ADGRG4: variants seen among roughly 807,000 people sequenced by gnomAD.
ADGRG4 encodes the protein adhesion G protein-coupled receptor G4.
Under a neutral mutation model 126.2 loss-of-function variants are expected in ADGRG4, and 122 were observed. The observed-to-expected ratio is 0.97, with a 90% CI of 0.83 to 1.12. The LOEUF is 1.12. ADGRG4 is among the 50% of genes most tolerant of loss of function. ADGRG4 has a pLI of 0.00. For missense variants in ADGRG4, 2,481 were observed against 2,251.8 expected (o/e 1.10, Z -2.06); for synonymous variants, 943 against 838.7 (o/e 1.12, Z -2.15).
At position 136,347,515 on chromosome X, in the gene ADGRG4, G is replaced by A. The variant is rs760443810; in HGVS notation, c.3809G>A (p.Arg1270Lys). The change falls in exon 6 of 26, where the codon AGA (arginine) becomes AAA (lysine). Residue 1270 changes from arginine (R) to lysine (K), a missense_variant. Arg to Lys is a conservative substitution (Grantham distance 26). Coordinates refer to ENST00000394143, the MANE Select transcript of ADGRG4 (RefSeq NM_153834.4). ...QMTISLGKTP[R>K]TMEVTEMSPS... ...ACCATATCCCTGGGAAAAACCCCTA[G>A]AACTATGGAGGTGACAGAAATGTCC... 2 of 1,208,197 alleles carry A rather than the reference G, an allele frequency of 1.7e-6. No individual in the cohort carries two copies. Among genetic ancestry groups the A allele is most frequent in the Non-Finnish European group, 2.2e-6 (2 of 893,871 alleles).
At chrX:136,359,206 A>G in intron 10 of ADGRG4, 86 bp from the exon 11 acceptor site, 3 of 731,050 alleles carry the variant, frequency 4.1e-6, no homozygotes, top group Non-Finnish European at 6.0e-6. Flanking sequence ...CAATTAAATC[A>G]GCTGTACAGA....
chrX:136,347,197 C>G lies in ADGRG4; in HGVS notation c.3491C>G (p.Thr1164Ser). ...GCGTCCTCCACTCATGTGATCTCAACTACGTCTACACCAGAAGCAACTCAA... is the reference window on the plus strand; with the variant it reads ...GCGTCCTCCACTCATGTGATCTCAAGTACGTCTACACCAGAAGCAACTCAA... ...PPASSTHVIS[T>S]TSTPEATQPI... Residue 1164 changes from threonine (T) to serine (S), a missense_variant, in exon 6 of 26, where the codon ACT becomes AGT. By Grantham distance (58) the Thr-to-Ser change is moderately conservative. Coordinates refer to ENST00000394143, the MANE Select transcript of ADGRG4 (RefSeq NM_153834.4). 8.3e-7 allele frequency: 1 copy of G among 1,211,104 alleles called. No individual in the cohort carries two copies. The highest frequency in any genetic ancestry group is 1.1e-6 in the Non-Finnish European group (1 of 894,993).
chrX:136,395,394 G>A lies in ADGRG4; in HGVS notation c.8085G>A (p.Gly2695=). 1 of 1,184,543 alleles carries A rather than the reference G, an allele frequency of 8.4e-7. No homozygotes were observed. Among genetic ancestry groups the A allele is most frequent in the Non-Finnish European group, 1.1e-6 (1 of 872,697 alleles). The part of the protein sequence containing the change: ...CAFWDFENNN[G]LGGWNSSGCK... Reference sequence around the variant, plus strand: ...ATTTCCTTCTGTCTCCTACAGATGGGCTGGGTGGATGGAATTCGTCAGGCT... The same window carrying A: ...ATTTCCTTCTGTCTCCTACAGATGGACTGGGTGGATGGAATTCGTCAGGCT... The change falls in exon 19 of 26, where the codon GGG becomes GGA. Residue 2695 remains glycine, a synonymous_variant. Coordinates refer to ENST00000394143, the MANE Select transcript of ADGRG4 (RefSeq NM_153834.4).
At chrX:136,315,021 C>A (rs781507752) in intron 4 of ADGRG4, among the ~76,000 whole-genome samples, 2 of 111,629 alleles carry the variant, frequency 1.8e-5, no homozygotes, top group East Asian at 5.6e-4. Context: ...ATGGAGTCAG[C>A]AGCCTAGGTA....
chrX:136,414,521 G>A (rs1053125963), intron 25 of ADGRG4, among the ~76,000 whole-genome samples, 194 bp downstream of exon 25: 3 of 112,586 alleles, frequency 2.7e-5, no homozygotes, highest in African/African-American at 9.7e-5. Flanking sequence ...GTGTATAGGT[G>A]TTTCTGTGCC....
chrX:136,397,491 C>CTTTTT (rs1184936316), intron 19 of ADGRG4, among the ~76,000 whole-genome samples: 6 of 50,578 alleles, frequency 1.2e-4, no homozygotes, highest in Non-Finnish European at 1.5e-4. Flanking sequence ...AGGAAAAGGA[C>CTTTTT]TTTTTTTTTT....
In ADGRG4 at chrX:136,350,214, A is replaced by G; in HGVS notation, c.6508A>G (p.Ile2170Val). The stretch of plus-strand genomic sequence containing the variant: ...TGCATCATCACCCTCTACTTTAATT[A>G]TTCCTAAGCCCACACTGGACTCCCT... Reference protein sequence around the residue: ...PTASSPSTLIIPKPTLDSLLN... With the variant: ...PTASSPSTLIVPKPTLDSLLN... Residue 2170 changes from isoleucine to valine, a missense_variant, in exon 6 of 26, where the codon ATT becomes GTT. By Grantham distance (29) the Ile-to-Val change is conservative. Coordinates refer to ENST00000394143, the MANE Select transcript of ADGRG4 (RefSeq NM_153834.4). The G allele has an allele frequency of 8.3e-7, 1 of 1,207,984 alleles. No individual in the cohort carries two copies. The highest frequency in any genetic ancestry group is 1.1e-6 in the Non-Finnish European group (1 of 892,289).
intron 15 of ADGRG4, among the ~76,000 whole-genome samples, chrX:136,379,633 C>T (rs2075247748): frequency 9.2e-6 from 1 of 109,074 alleles, no homozygotes; most frequent in Admixed American, 9.9e-5. Context: ...TCTCCCTCTG[C>T]TTCTTTCTTT....
intron 5 of ADGRG4, among the ~76,000 whole-genome samples, chrX:136,330,675 T>C (rs992094656): frequency 9.0e-6 from 1 of 111,535 alleles, no homozygotes; most frequent in Non-Finnish European, 1.9e-5. Flanking sequence ...GCATGTTTAG[T>C]TTTTTTCTTA....
chrX:136,374,704 A>G (rs959679862), intron 15 of ADGRG4, among the ~76,000 whole-genome samples: 6 of 111,971 alleles, frequency 5.4e-5, no homozygotes, highest in African/African-American at 2.0e-4. Flanking sequence ...TGCTGGGATT[A>G]CAGGTGTGAG....
At chrX:136,311,311 A>G (rs1255065327) in intron 4 of ADGRG4, among the ~76,000 whole-genome samples, 1 of 109,447 alleles carries the variant, frequency 9.1e-6, no homozygotes, top group African/African-American at 3.3e-5. Context: ...GGTGCTGGCT[A>G]TTGGCTGTGT....
intron 13 of ADGRG4, among the ~76,000 whole-genome samples, chrX:136,364,590 A>G (rs962554494): frequency 4.5e-5 from 5 of 112,053 alleles, no homozygotes; most frequent in African/African-American, 1.3e-4. Flanking sequence ...ACAAGACTGT[A>G]CAACTATTTT....
At chrX:136,395,236 T>A (rs2075340090) in intron 18 of ADGRG4, among the ~76,000 whole-genome samples, 154 bp from the exon 19 acceptor site, 1 of 111,952 alleles carries the variant, frequency 8.9e-6, no homozygotes, top group African/African-American at 3.2e-5. Context: ...TCTGTTAGAC[T>A]TAATTTAATT....
chrX:136,341,389 A>G (rs887608835), intron 5 of ADGRG4, among the ~76,000 whole-genome samples: 4 of 112,559 alleles, frequency 3.6e-5, no homozygotes, highest in African/African-American at 9.7e-5. Flanking sequence ...CTCAACAATT[A>G]GTGCATTCAT....
intron 16 of ADGRG4, among the ~76,000 whole-genome samples, chrX:136,391,896 T>C (rs2075321456): frequency 8.9e-6 from 1 of 112,607 alleles, no homozygotes; most frequent in African/African-American, 3.2e-5. Context: ...CTGGGATAAG[T>C]TGTGAAATGT....
Position 136,399,946 on chromosome X carries a change from C to G in ADGRG4, c.8405C>G (p.Ser2802Ter). 8.3e-7 allele frequency: 1 copy of G among 1,210,786 alleles called. No individual in the cohort carries two copies. The highest frequency in any genetic ancestry group is 1.1e-6 in the Non-Finnish European group (1 of 894,556). Residue 2802 changes from serine to a stop codon, truncating the protein, a stop_gained, in exon 21 of 26, where the codon TCA becomes TGA. Transcript: ENST00000394143. LOFTEE classifies it high-confidence loss of function. ...TTTTTGATCAATTCTTGGTTGTCATCATTTCAGAAAGTGGGAGTTTGTATC... is the reference window on the plus strand; with the variant it reads ...TTTTTGATCAATTCTTGGTTGTCATGATTTCAGAAAGTGGGAGTTTGTATC... The part of the protein sequence containing the change: ...LVFLINSWLS[S>*]FQKVGVCITA...
At chrX:136,310,381 A>G (rs980081140) in intron 4 of ADGRG4, among the ~76,000 whole-genome samples, 3 of 111,541 alleles carry the variant, frequency 2.7e-5, no homozygotes, top group African/African-American at 9.8e-5. Context: ...GTCAATTTAA[A>G]GCAGTCACAA....
At chrX:136,325,451 T>C (rs998595289) in intron 5 of ADGRG4, among the ~76,000 whole-genome samples, 1 of 112,062 alleles carries the variant, frequency 8.9e-6, no homozygotes, top group African/African-American at 3.2e-5. Flanking sequence ...TATTCCTAGC[T>C]GGCTCTGATT....
At chrX:136,406,645 G>T (rs1461301207) in intron 23 of ADGRG4, among the ~76,000 whole-genome samples, 1 of 112,255 alleles carries the variant, frequency 8.9e-6, no homozygotes, top group Non-Finnish European at 1.9e-5. Flanking sequence ...CGGGTGTGAT[G>T]GCTCGTGCCT....
Sources: allele counts gnomAD v4.1 joint callset (sites outside exome capture counted in the v4.1 genomes callset), GRCh38; gene constraint gnomAD v4.1.1; transcripts MANE v1.5; gene names NCBI Gene and HGNC (gene_info 2026-07-23, HGNC 2026-07-21).